Variants in ERCC6L2 observed in about 807,000 individuals in gnomAD.
ERCC6L2 encodes ERCC excision repair 6 like 2, also known as DNA excision repair protein ERCC-6-like 2.
In ERCC6L2, 77 loss-of-function variants were observed where a neutral mutation model predicts 132.0. That is an observed-to-expected ratio of 0.58 (90% CI 0.49 to 0.71). The LOEUF (loss-of-function observed/expected upper bound fraction) is 0.71. ERCC6L2 is among the 30% of genes least tolerant of loss of function. The pLI is 0.00. For synonymous variants in ERCC6L2, 583 were observed against 632.4 expected, an observed-to-expected ratio of 0.92 and a Z score of 1.17; for missense variants, 1,542 against 1,837.6, an observed-to-expected ratio of 0.84 and a Z score of 2.94.
At chr9:95,917,214 CTT>C (rs1829642144) in intron 6 of ERCC6L2, among the ~76,000 whole-genome samples, 2 of 152,274 alleles carry the variant, frequency 1.3e-5, no homozygotes, top group South Asian at 4.1e-4. Flanking sequence ...ACTAACCTAA[CTT>C]TTAGAATTTG....
rs570177687 is a variant in ERCC6L2, at chr9:96,036,956, C to G, written c.*1504-1920C>G. Reference sequence around the variant, plus strand: ...TAATTTTTTGTATTTTTAGTAGAGACGGGGTTTCACCGTTTTAGCCGGGAT... The same window carrying G: ...TAATTTTTTGTATTTTTAGTAGAGAGGGGGTTTCACCGTTTTAGCCGGGAT... On this transcript the variant is annotated intron_variant and NMD_transcript_variant, in intron 19 of 20. Transcript: ENST00000670016. 4.8e-4 allele frequency among the ~76,000 whole-genome samples: 72 copies of G among 150,882 alleles called. 1 individual carries two copies. Among genetic ancestry groups the G allele is most frequent in the African/African-American group, 1.6e-3 (67 of 41,194 alleles).
Position 96,017,199 on chromosome 9 carries a change from C to T in ERCC6L2, c.*3996C>T, listed in dbSNP as rs532146575. On this transcript the variant is annotated 3_prime_UTR_variant, in exon 19 of 19. Coordinates refer to ENST00000653738, the MANE Select transcript of ERCC6L2 (RefSeq NM_020207.7). Reference sequence around the variant, plus strand: ...GGCCTTACTGGGATGGTTCATAAGCCACTTTCCTCTTGGTGACAGCCCCTG... The same window carrying T: ...GGCCTTACTGGGATGGTTCATAAGCTACTTTCCTCTTGGTGACAGCCCCTG... 2.0e-5 allele frequency among the ~76,000 whole-genome samples: 3 copies of T among 152,150 alleles called. No individual in the cohort carries two copies. The highest frequency in any genetic ancestry group is 2.9e-5 in the Non-Finnish European group (2 of 68,018).
chr9:96,002,879 C>T (rs1833738016), intron 17 of ERCC6L2, among the ~76,000 whole-genome samples: 1 of 152,104 alleles, frequency 6.6e-6, no homozygotes, highest in African/African-American at 2.4e-5. Context: ...TTGAGGATTC[C>T]TTTCTTTTGC....
intron 2 of ERCC6L2, among the ~76,000 whole-genome samples, chr9:95,897,199 A>T (rs1274795624): frequency 1.3e-5 from 2 of 152,210 alleles, no homozygotes; most frequent in Non-Finnish European, 2.9e-5. Flanking sequence ...CAGAGAGGTT[A>T]ACGCCCTTGC....
intron 11 of ERCC6L2, among the ~76,000 whole-genome samples, chr9:95,938,346 T>C (rs1230739959): frequency 6.6e-6 from 1 of 151,940 alleles, no homozygotes; most frequent in African/African-American, 2.4e-5. Context: ...CTAGGTGGAG[T>C]GTTCTGCGTA....
chr9:95,985,867 G>A (rs767968600), intron 17 of ERCC6L2, among the ~76,000 whole-genome samples: 1 of 152,200 alleles, frequency 6.6e-6, no homozygotes, highest in Non-Finnish European at 1.5e-5. Context: ...AGCTGTGAGA[G>A]CAGATTCTAT....
intron 11 of ERCC6L2, among the ~76,000 whole-genome samples, chr9:95,936,781 C>G (rs920659066): frequency 2.6e-5 from 4 of 152,106 alleles, no homozygotes; most frequent in African/African-American, 9.7e-5. Flanking sequence ...TTCCTCTCTC[C>G]CCTTTCTCCC....
chr9:95,958,470 C>T (rs1371853842), intron 13 of ERCC6L2, among the ~76,000 whole-genome samples: 1 of 152,104 alleles, frequency 6.6e-6, no homozygotes, highest in Non-Finnish European at 1.5e-5. Context: ...ACAGTCCCAC[C>T]AACAGTGTAA....
intron 3 of ERCC6L2, among the ~76,000 whole-genome samples, chr9:95,904,770 C>G (rs1023222564): frequency 6.6e-6 from 1 of 152,186 alleles, no homozygotes; most frequent in Non-Finnish European, 1.5e-5. Context: ...CATCATTCTT[C>G]TATGCCGTGG....
intron 17 of ERCC6L2, among the ~76,000 whole-genome samples, chr9:95,985,876 A>G (rs923248432): frequency 6.6e-6 from 1 of 152,206 alleles, no homozygotes; most frequent in Non-Finnish European, 1.5e-5. Flanking sequence ...AGCAGATTCT[A>G]TTTATATTCT....
intron 6 of ERCC6L2, chr9:95,918,387 T>C: frequency 2.8e-6 from 1 of 358,982 alleles, no homozygotes; most frequent in Non-Finnish European, 5.6e-6. Flanking sequence ...TTTATTTGAG[T>C]CCGCTGCCTT....
rs371706944 is a variant in ERCC6L2 at position 95,897,917 on chromosome 9, A to G, written c.540A>G (p.Pro180=). The change falls in exon 3 of 19, where the codon CCA becomes CCG. Residue 180 remains proline, a synonymous_variant. Coordinates refer to ENST00000653738, the MANE Select transcript of ERCC6L2 (RefSeq NM_020207.7). ...GTGAGGATATTGAAAATAACATGCC[A>G]GAGTTTTTACTAAGAAGTATGAAAA... ...GTREDIENNM[P]EFLLRSMKKE... The G allele has an allele frequency of 1.3e-5, 21 of 1,612,460 alleles. No homozygotes were observed. The highest frequency in any genetic ancestry group is 2.7e-5 in the African/African-American group (2 of 74,866).
rs138520140 is a variant in ERCC6L2, at chr9:96,006,558, G to A, written c.3674+1857G>A. ...AATGTAAAAAGTAGCAGCAGCTGGA[G>A]GGCATTGTGGGTCTTACAGTTGAGA... On this transcript the variant is annotated intron_variant, in intron 18 of 18. Coordinates refer to ENST00000653738, the MANE Select transcript of ERCC6L2 (RefSeq NM_020207.7). Among the ~76,000 whole-genome samples, 9 of 152,338 alleles carry A rather than the reference G, an allele frequency of 5.9e-5. No homozygotes were observed. In the East Asian group the frequency reaches 1.7e-3, roughly 29 times the overall value.
At chr9:95,952,715 A>G (rs1402065847) in intron 12 of ERCC6L2, among the ~76,000 whole-genome samples, 1 of 152,114 alleles carries the variant, frequency 6.6e-6, no homozygotes, top group African/African-American at 2.4e-5. Context: ...ACATGCCTGT[A>G]GTTCCAGCTG....
At chr9:95,895,728 CT>C (rs10711041) in intron 2 of ERCC6L2, among the ~76,000 whole-genome samples, 3,402 of 134,918 alleles carry the variant, frequency 0.025, 83 homozygotes, top group African/African-American at 0.072. Flanking sequence ...GTTGTCATAG[CT>C]TTTTTTTTTT....
At chr9:95,884,204 A>G (rs908548405) in intron 2 of ERCC6L2, among the ~76,000 whole-genome samples, 2 of 152,114 alleles carry the variant, frequency 1.3e-5, no homozygotes, top group Admixed American at 1.3e-4. Flanking sequence ...TTCTGCACTA[A>G]TTTTGATACT....
At chr9:95,973,920 A>G (rs2133088679) in intron 16 of ERCC6L2, among the ~76,000 whole-genome samples, 1 of 152,228 alleles carries the variant, frequency 6.6e-6, no homozygotes, top group East Asian at 1.9e-4. Context: ...CTCAGTTTGC[A>G]TTTTGCTAAT....
intron 2 of ERCC6L2, among the ~76,000 whole-genome samples, chr9:95,893,587 T>G (rs1301604209): frequency 1.3e-5 from 2 of 152,188 alleles, no homozygotes; most frequent in African/African-American, 2.4e-5. Context: ...GCCCTTAACT[T>G]TCTTTGTGGA....
intron 4 of ERCC6L2, among the ~76,000 whole-genome samples, chr9:95,910,403 AGTTT>A (rs955142750): frequency 1.4e-4 from 22 of 152,176 alleles, no homozygotes; most frequent in South Asian, 4.1e-4. Flanking sequence ...ACATTTCAGT[AGTTT>A]GTTCCTTTTT....
Sources: gnomAD v4.1 joint callset for allele counts (sites outside exome capture counted in the v4.1 genomes callset) on GRCh38, gnomAD v4.1.1 for gene constraint, MANE v1.5 for transcripts, NCBI Gene and HGNC (gene_info 2026-07-23, HGNC 2026-07-21) for gene names.